Variants in GLMN observed in about 807,000 individuals in gnomAD.
The protein encoded by GLMN is glomulin, FKBP associated protein, also known as glomulin.
In GLMN, 75 loss-of-function variants were observed where a neutral mutation model predicts 87.8. The ratio of observed to expected loss-of-function variants is 0.85; its 90% CI spans 0.71 to 1.04. The LOEUF (loss-of-function observed/expected upper bound fraction) is 1.04. Ranked by LOEUF, GLMN falls within the 50% of genes least tolerant of loss-of-function variation. GLMN has a pLI of 0.00. For synonymous variants in GLMN, 206 were observed against 221.6 expected, an observed-to-expected ratio of 0.93 and a Z score of 0.63; for missense variants, 588 against 658.8, an observed-to-expected ratio of 0.89 and a Z score of 1.18.
intron 3 of GLMN, among the ~76,000 whole-genome samples, chr1:92,296,510 G>A (rs1200087099): frequency 6.6e-6 from 1 of 152,176 alleles, no homozygotes; most frequent in Non-Finnish European, 1.5e-5. Context: ...ATCATGAGAA[G>A]CATGGGGAAA....
chr1:92,285,493 T>C (rs1415586013), intron 7 of GLMN, among the ~76,000 whole-genome samples: 1 of 152,126 alleles, frequency 6.6e-6, no homozygotes, highest in African/African-American at 2.4e-5. Context: ...AGGGATAGCA[T>C]TAGGACAAAT....
At chr1:92,323,075 TTATATATATATA>T in the GLMN span, among the ~76,000 whole-genome samples, 3 of 144,848 alleles carry the variant, frequency 2.1e-5, no homozygotes, top group African/African-American at 2.5e-5. Flanking sequence ...ATATATATAT[TTATATATATATA>T]TATATTTGCA....
intron 3 of GLMN, 75 bp downstream of exon 3, chr1:92,297,329 A>C: frequency 6.3e-7 from 1 of 1,575,432 alleles, no homozygotes; most frequent in South Asian, 1.1e-5. Context: ...TTTGATGGAT[A>C]AATGACTGGA....
At chr1:92,309,440 C>CAAAA in the GLMN span, among the ~76,000 whole-genome samples, 1 of 145,722 alleles carries the variant, frequency 6.9e-6, no homozygotes, top group Non-Finnish European at 1.5e-5. Flanking sequence ...GACTCCATCT[C>CAAAA]AAAAAAAAAA....
chr1:92,256,061 A>AG (rs1263009647), intron 16 of GLMN, among the ~76,000 whole-genome samples: 1 of 152,218 alleles, frequency 6.6e-6, no homozygotes. Context: ...AAATTGATAA[A>AG]GGGTATATCA....
the GLMN span, among the ~76,000 whole-genome samples, chr1:92,322,612 C>T: frequency 6.6e-6 from 1 of 151,396 alleles, no homozygotes; most frequent in Non-Finnish European, 1.5e-5. Flanking sequence ...CGGTGGCTCA[C>T]CCCTGTAATT....
the GLMN span, among the ~76,000 whole-genome samples, chr1:92,327,270 A>T: frequency 8.5e-5 from 13 of 152,088 alleles, no homozygotes; most frequent in African/African-American, 1.2e-4. Flanking sequence ...GAAGTCCCCC[A>T]CTATTATTGT....
At chr1:92,324,064 A>C in the GLMN span, 1 of 1,614,056 alleles carries the variant, frequency 6.2e-7, no homozygotes, top group Non-Finnish European at 8.5e-7. Flanking sequence ...GACAGAAGAA[A>C]CATTGAGGTT....
upstream of GLMN, among the ~76,000 whole-genome samples, chr1:92,302,970 G>T (rs1312002284): frequency 2.6e-5 from 4 of 152,160 alleles, no homozygotes; most frequent in Admixed American, 2.6e-4. Flanking sequence ...AAGCCAAGGC[G>T]GTAGGATCGC....
chr1:92,346,112 T>G, the GLMN span, among the ~76,000 whole-genome samples: 1 of 152,172 alleles, frequency 6.6e-6, no homozygotes, highest in Non-Finnish European at 1.5e-5. Flanking sequence ...TTTTTTACCA[T>G]CTTTTCTTCT....
chr1:92,288,878 A>G, intron 6 of GLMN, 36 bp downstream of exon 6: 1 of 976,460 alleles, frequency 1.0e-6, no homozygotes, highest in East Asian at 2.4e-5. Flanking sequence ...TCAATTACTT[A>G]AGTCCACTGT....
the GLMN span, among the ~76,000 whole-genome samples, chr1:92,317,231 C>T: frequency 3.0e-4 from 45 of 152,058 alleles, no homozygotes; most frequent in African/African-American, 1.0e-3. Flanking sequence ...GTTGAAGGCT[C>T]GGTGCGGTGG....
At chr1:92,336,205 C>G in the GLMN span, 1 of 630,618 alleles carries the variant, frequency 1.6e-6, no homozygotes, top group South Asian at 1.9e-5. Flanking sequence ...TCTCACCAAT[C>G]ATAACCTAGG....
rs532932593 is a variant in GLMN at position 92,253,188 on chromosome 1, T to C, written c.1474-5199A>G. 4.2e-3 allele frequency among the ~76,000 whole-genome samples: 212 copies of C among 50,162 alleles called. 3 individuals carry two copies. The East Asian group carries it at 0.18, about 41-fold the overall frequency. The allele number at this position is 50,162 out of a possible 152,430, so 32.9% of individuals were successfully genotyped here. ...TGCACCCCTGAATCTTAAATAGAAA[T>C]GGAAATTGAAAAAAAACTTAAGCTC... On this transcript the variant is annotated intron_variant, in intron 16 of 18. Coordinates refer to ENST00000370360, the MANE Select transcript of GLMN (RefSeq NM_053274.3).
the GLMN span, chr1:92,336,399 C>T: frequency 1.2e-6 from 2 of 1,609,432 alleles, no homozygotes; most frequent in East Asian, 2.2e-5. Flanking sequence ...TATTTACACA[C>T]AACTTAAAAA....
intron 3 of GLMN, among the ~76,000 whole-genome samples, chr1:92,292,749 T>A (rs1482191111): frequency 1.5e-5 from 2 of 134,296 alleles, no homozygotes; most frequent in South Asian, 2.4e-4. Context: ...TTTTTTTTTT[T>A]AAGCATGGTG....
chr1:92,270,176 A>C (rs1229655035), intron 8 of GLMN, among the ~76,000 whole-genome samples: 1 of 152,244 alleles, frequency 6.6e-6, no homozygotes. Context: ...AACCCTCAGA[A>C]GGAGCATCCA....
At chr1:92,299,867 C>G (rs2101089937), upstream of GLMN, among the ~76,000 whole-genome samples, 1 of 152,250 alleles carries the variant, frequency 6.6e-6, no homozygotes, top group South Asian at 2.1e-4. Context: ...CCTACTGCCA[C>G]CATGTGTAGC....
chr1:92,304,152 A>G, the GLMN span: 1 of 1,265,664 alleles, frequency 7.9e-7, no homozygotes, highest in Non-Finnish European at 1.1e-6. Flanking sequence ...AAGAATAAGA[A>G]ATAAAACCTA....
Sources: allele counts gnomAD v4.1 joint callset (sites outside exome capture counted in the v4.1 genomes callset), GRCh38; gene constraint gnomAD v4.1.1; transcripts MANE v1.5; gene names NCBI Gene and HGNC (gene_info 2026-07-23, HGNC 2026-07-21).